Variants in DNAH10 observed in about 807,000 individuals in gnomAD.
DNAH10 encodes the protein axonemal beta dynein heavy chain 10.
In DNAH10, 348 loss-of-function variants were observed where a neutral mutation model predicts 506.6. That is an observed-to-expected ratio of 0.69 (90% CI 0.63 to 0.75). The LOEUF (loss-of-function observed/expected upper bound fraction) is 0.75, where lower values mean the gene tolerates loss of function less well. Ranked by LOEUF, DNAH10 falls within the 30% of genes least tolerant of loss-of-function variation. The pLI, the probability that DNAH10 is intolerant of heterozygous loss-of-function variation, is 0.00. For missense variants in DNAH10, 5,179 were observed against 5,787.1 expected (o/e 0.89, Z 3.41); for synonymous variants, 2,059 against 2,198.6 (o/e 0.94, Z 1.78).
At position 123,853,310 on chromosome 12, in the gene DNAH10, C is replaced by T; in HGVS notation, c.6396C>T (p.Val2132=). ...TCAGAGCCCTGAAATCGGTGCTGGT[C>T]ATGGCTGGTGAGCTGAAGAGAGGCT... ...FGLRALKSVL[V]MAGELKRGSS... The change falls in exon 36 of 79, where the codon GTC becomes GTT. Residue 2132 remains valine, a synonymous_variant. Coordinates refer to ENST00000673944, the MANE Select transcript of DNAH10 (RefSeq NM_001372106.1). This position sits in a 1 kb window ranked among gnomAD's most constrained non-coding sequence, Gnocchi z 4.7. 6.2e-7 allele frequency: 1 copy of T among 1,612,472 alleles called. No individual in the cohort carries two copies. Among genetic ancestry groups the T allele is most frequent in the Non-Finnish European group, 8.5e-7 (1 of 1,179,288 alleles).
Position 123,917,667 on chromosome 12 carries a change from C to T in DNAH10, c.11086C>T (p.Leu3696Phe), listed in dbSNP as rs773767296. Residue 3696 changes from leucine (L) to phenylalanine (F), a missense_variant, in exon 64 of 79, where the codon CTC becomes TTC. Leu to Phe is a conservative substitution (Grantham distance 22). Coordinates refer to ENST00000673944, the MANE Select transcript of DNAH10 (RefSeq NM_001372106.1). The surrounding 1 kb of genome is among the most constrained non-coding windows in gnomAD (Gnocchi z 5.6). ...RRELEEQREHLIQETSENKNL... is the reference protein window; with the variant it reads ...RRELEEQREHFIQETSENKNL... ...GGAGCTGGAGGAGCAGCGGGAGCAC[C>T]TCATCCAGGAGACCAGCGAGAACAA... 1.0e-5 allele frequency: 16 copies of T among 1,551,978 alleles called. No homozygotes were observed. In the Middle Eastern group the frequency reaches 6.7e-4, roughly 65 times the overall value.
chr12:123,806,971 T>C (rs1171647431), intron 18 of DNAH10, among the ~76,000 whole-genome samples: 1 of 152,204 alleles, frequency 6.6e-6, no homozygotes, highest in Non-Finnish European at 1.5e-5. Flanking sequence ...AGTTCCACTG[T>C]GTTAGCCAGG....
At chr12:123,874,342 T>C (rs1952157323) in intron 46 of DNAH10, among the ~76,000 whole-genome samples, 1 of 151,186 alleles carries the variant, frequency 6.6e-6, no homozygotes, top group Non-Finnish European at 1.5e-5. Flanking sequence ...TGTTCTTCCA[T>C]TCATCCATCC....
intron 21 of DNAH10, among the ~76,000 whole-genome samples, chr12:123,815,049 A>AT (rs1349357322): frequency 6.6e-6 from 1 of 151,672 alleles, no homozygotes; most frequent in Non-Finnish European, 1.5e-5. Context: ...AGAATGTCAA[A>AT]TTCCAACAAC....
chr12:123,833,910 C>A (rs928828976), intron 27 of DNAH10, among the ~76,000 whole-genome samples: 1 of 152,156 alleles, frequency 6.6e-6, no homozygotes, highest in Non-Finnish European at 1.5e-5. Context: ...TGGTTTGGGG[C>A]TTTCTTCCTT....
chr12:123,804,480 GC>G lies in DNAH10; in HGVS notation c.2780-352del, dbSNP rs200543776. 9.7e-3 allele frequency among the ~76,000 whole-genome samples: 1,447 copies of G among 149,726 alleles called. 25 individuals carry two copies. Among genetic ancestry groups the G allele is most frequent in the African/African-American group, 0.033 (1,349 of 40,540 alleles). On this transcript the variant is annotated intron_variant, in intron 17 of 78. Coordinates refer to ENST00000673944, the MANE Select transcript of DNAH10 (RefSeq NM_001372106.1). ...GCGGAGCTTGCAGTGAGCCCAGATC[GC>G]ACCACTGCAGCACTCCAGCCTGGGT...
chr12:123,914,629 G>T (rs1383858222), intron 61 of DNAH10, 79 bp downstream of exon 61: 1 of 1,487,680 alleles, frequency 6.7e-7, no homozygotes, highest in Non-Finnish European at 9.0e-7. Context: ...CCTGGGGGGA[G>T]GCAATGGCCT....
At chr12:123,802,791 T>G (rs1594064072) in intron 16 of DNAH10, among the ~76,000 whole-genome samples, 1 of 152,036 alleles carries the variant, frequency 6.6e-6, no homozygotes, top group Non-Finnish European at 1.5e-5. Context: ...CTCATGGTTC[T>G]GATTTGACTT....
intron 3 of DNAH10, 115 bp from the exon 4 acceptor site, chr12:123,772,719 G>A: frequency 1.3e-6 from 1 of 768,878 alleles, no homozygotes; most frequent in Non-Finnish European, 2.1e-6. Flanking sequence ...TACATTGTCA[G>A]AACATGAGAC....
chr12:123,914,201 A>C, intron 60 of DNAH10, 128 bp from the exon 61 acceptor site: 1 of 825,476 alleles, frequency 1.2e-6, no homozygotes, highest in Admixed American at 2.9e-5. Flanking sequence ...CAAGGAAAGA[A>C]TATCTCAAAA....
intron 30 of DNAH10, among the ~76,000 whole-genome samples, chr12:123,844,785 T>A (rs553975421): frequency 6.6e-6 from 1 of 152,114 alleles, no homozygotes; most frequent in Non-Finnish European, 1.5e-5. Flanking sequence ...ACCACAGGCA[T>A]GTACCACCAC....
Position 123,801,380 on chromosome 12 carries a change from A to T in DNAH10, c.2562A>T (p.Glu854Asp). 6.2e-7 allele frequency: 1 copy of T among 1,614,172 alleles called. No individual in the cohort carries two copies. Among genetic ancestry groups the T allele is most frequent in the Non-Finnish European group, 8.5e-7 (1 of 1,180,022 alleles). Residue 854 changes from glutamate to aspartate, a missense_variant, in exon 16 of 79, where the codon GAA becomes GAT. Coordinates refer to ENST00000673944, the MANE Select transcript of DNAH10 (RefSeq NM_001372106.1). ...ESVLLKDHSQ[E>D]LLRVFRSGYK... ...TGCTTCTCAAAGATCATTCCCAGGA[A>T]CTGCTCCGAGTGTTTAGGTCGGGAT...
chr12:123,834,545 T>A (rs1960932534), intron 27 of DNAH10, among the ~76,000 whole-genome samples: 1 of 152,178 alleles, frequency 6.6e-6, no homozygotes, highest in African/African-American at 2.4e-5. Context: ...TTAAATAACA[T>A]AAAACTAGTG....
intron 30 of DNAH10, among the ~76,000 whole-genome samples, chr12:123,845,278 G>A (rs541449743): frequency 1.1e-4 from 16 of 152,178 alleles, no homozygotes; most frequent in Non-Finnish European, 1.9e-4. Context: ...GTTTACAGGC[G>A]TGAGCTACCA....
chr12:123,868,128 C>T lies in DNAH10; in HGVS notation c.7519+9C>T, dbSNP rs749954073. 16 of 1,609,764 alleles carry T rather than the reference C, an allele frequency of 9.9e-6. No individual in the cohort carries two copies. In the East Asian group the frequency reaches 2.9e-4, roughly 29 times the overall value. On this transcript the variant is annotated intron_variant, in intron 43 of 78. Coordinates refer to ENST00000673944, the MANE Select transcript of DNAH10 (RefSeq NM_001372106.1). ...CCCTGGGGAACTGCCAGGTGGGAAC[C>T]GAGTGTCGCCTGTTTCCCTGCTCTG...
chr12:123,875,230 G>A lies in DNAH10; in HGVS notation c.7939-1G>A. The A allele has an allele frequency of 6.2e-7, 1 of 1,605,544 alleles. No individual in the cohort carries two copies. Among genetic ancestry groups the A allele is most frequent in the Non-Finnish European group, 8.5e-7 (1 of 1,175,236 alleles). On this transcript the variant is annotated splice_acceptor_variant, in intron 46 of 78. Coordinates refer to ENST00000673944, the MANE Select transcript of DNAH10 (RefSeq NM_001372106.1). LOFTEE classifies it high-confidence loss of function. ...TCTTTTCTTTTTTAAAAAAAATCAA[G>A]GTGGATGAATATGGCACGCAGCAGC...
intron 41 of DNAH10, 150 bp downstream of exon 41, chr12:123,866,223 GAC>G (rs1165239501): frequency 1.4e-5 from 2 of 142,508 alleles, no homozygotes; most frequent in South Asian, 1.7e-4. Flanking sequence ...AAACATGGCA[GAC>G]ACACTTTTTT....
At chr12:123,782,357 T>TCCCC (rs3071654) in intron 6 of DNAH10, among the ~76,000 whole-genome samples, 2 of 36,518 alleles carry the variant, frequency 5.5e-5, no homozygotes, top group Non-Finnish European at 1.0e-4. Context: ...TCCCCTCCCC[T>TCCCC]TCTCTCCCCT....
chr12:123,854,312 A>G (rs1190153047), intron 36 of DNAH10, among the ~76,000 whole-genome samples: 2 of 151,880 alleles, frequency 1.3e-5, no homozygotes, highest in African/African-American at 4.8e-5. Context: ...GAACTGAAAA[A>G]CCACCGATGC....
Sources: allele counts gnomAD v4.1 joint callset (sites outside exome capture counted in the v4.1 genomes callset), GRCh38; gene constraint gnomAD v4.1.1; non-coding constraint Gnocchi (gnomAD v3.1); transcripts MANE v1.5; gene names NCBI Gene and HGNC (gene_info 2026-07-23, HGNC 2026-07-21).